Variants in PRKN observed in about 807,000 individuals in gnomAD.
PRKN encodes the protein E3 ubiquitin-protein ligase parkin.
A neutral mutation model predicts 59.5 loss-of-function variants in PRKN; 56 were observed. The observed-to-expected ratio is 0.94, with a 90% CI of 0.76 to 1.18. PRKN has a LOEUF of 1.18. Among genes scored for constraint, PRKN ranks in the 50% most tolerant of loss-of-function variants. The pLI is 0.00. For missense variants in PRKN, 657 were observed against 596.4 expected (o/e 1.10, Z -1.06); for synonymous variants, 250 against 222.1 (o/e 1.13, Z -1.12).
intron 1 of PRKN, among the ~76,000 whole-genome samples, chr6:162,539,442 G>T (rs764577529): frequency 3.3e-5 from 5 of 152,066 alleles, no homozygotes; most frequent in Non-Finnish European, 7.4e-5. Context: ...AAATGTCCTT[G>T]TCATTTTTTC....
intron 5 of PRKN, among the ~76,000 whole-genome samples, chr6:161,999,145 C>T (rs1310922411): frequency 6.6e-6 from 1 of 152,046 alleles, no homozygotes; most frequent in Non-Finnish European, 1.5e-5. Flanking sequence ...CTCCTATAAA[C>T]CCCTCTTCAC....
intron 7 of PRKN, among the ~76,000 whole-genome samples, chr6:161,709,237 T>G (rs1438216038): frequency 6.6e-6 from 1 of 152,240 alleles, no homozygotes; most frequent in Admixed American, 6.5e-5. Flanking sequence ...TATATGCTGC[T>G]TTCTGAGAAT....
At chr6:162,713,047 T>G (rs1335870567) in intron 1 of PRKN, among the ~76,000 whole-genome samples, 6 of 152,076 alleles carry the variant, frequency 3.9e-5, no homozygotes, top group African/African-American at 1.2e-4. Context: ...GGAAGGGTGA[T>G]TTGAGATGTG....
chr6:161,680,256 C>G (rs183719641), intron 7 of PRKN, among the ~76,000 whole-genome samples: 1 of 152,294 alleles, frequency 6.6e-6, no homozygotes, highest in Admixed American at 6.5e-5. Flanking sequence ...ATTAGGCTGA[C>G]TCGGTAACCT....
chr6:162,517,552 G>A (rs555201744), intron 1 of PRKN, among the ~76,000 whole-genome samples: 9 of 151,868 alleles, frequency 5.9e-5, no homozygotes, highest in Non-Finnish European at 1.0e-4. Flanking sequence ...GACTGCGCCC[G>A]GCCAATATAT....
chr6:162,066,094 G>A (rs1428734941), intron 4 of PRKN, among the ~76,000 whole-genome samples: 2 of 152,168 alleles, frequency 1.3e-5, no homozygotes, highest in Admixed American at 6.5e-5. Context: ...CCAGTAATGG[G>A]ATTGCTGGGT....
chr6:161,900,527 C>T (rs1443744084), intron 6 of PRKN, among the ~76,000 whole-genome samples: 2 of 96,222 alleles, frequency 2.1e-5, no homozygotes, highest in Non-Finnish European at 4.0e-5. Context: ...TACAACATAT[C>T]TTTTATATAT....
At chr6:162,336,495 A>G (rs1431314603) in intron 2 of PRKN, among the ~76,000 whole-genome samples, 1 of 152,156 alleles carries the variant, frequency 6.6e-6, no homozygotes, top group African/African-American at 2.4e-5. Context: ...GATTCACACC[A>G]TAATGCTAAT....
chr6:161,476,814 A>G, intron 9 of PRKN, among the ~76,000 whole-genome samples: 1 of 152,216 alleles, frequency 6.6e-6, no homozygotes, highest in Non-Finnish European at 1.5e-5. Context: ...ACGAAATGAG[A>G]CTGTGCTTTG....
At chr6:162,289,549 T>C (rs1008618738) in intron 2 of PRKN, among the ~76,000 whole-genome samples, 1 of 151,872 alleles carries the variant, frequency 6.6e-6, no homozygotes, top group East Asian at 1.9e-4. Context: ...ATACAAAAAT[T>C]AGCCGGGCAT....
At chr6:162,257,791 TTG>T (rs1779706396) in intron 3 of PRKN, among the ~76,000 whole-genome samples, 2 of 152,046 alleles carry the variant, frequency 1.3e-5, no homozygotes, top group African/African-American at 2.4e-5. Context: ...ACCTTCCGGG[TTG>T]TGTTGCCTCC....
intron 9 of PRKN, among the ~76,000 whole-genome samples, chr6:161,418,404 G>C (rs1275729548): frequency 6.6e-6 from 1 of 152,202 alleles, no homozygotes; most frequent in East Asian, 1.9e-4. Flanking sequence ...TCCAGAAAGT[G>C]AATCTGTCTA....
chr6:162,468,094 T>C (rs775232538), intron 1 of PRKN, among the ~76,000 whole-genome samples: 10 of 152,198 alleles, frequency 6.6e-5, no homozygotes, highest in Non-Finnish European at 1.2e-4. Flanking sequence ...TACTCTTTGT[T>C]AAATGTAAGC....
chr6:162,468,243 C>G (rs902165411), intron 1 of PRKN, among the ~76,000 whole-genome samples: 13 of 152,198 alleles, frequency 8.5e-5, no homozygotes, highest in Non-Finnish European at 1.5e-4. Context: ...CCTCGTCTCA[C>G]TAATTAGAAT....
intron 2 of PRKN, among the ~76,000 whole-genome samples, chr6:162,303,192 C>T (rs946398855): frequency 2.6e-5 from 4 of 152,150 alleles, no homozygotes; most frequent in African/African-American, 9.7e-5. Context: ...GCAGCATTTA[C>T]ATCAACTAAT....
intron 7 of PRKN, among the ~76,000 whole-genome samples, chr6:161,622,647 C>A (rs529594298): frequency 6.6e-6 from 1 of 152,262 alleles, no homozygotes; most frequent in South Asian, 2.1e-4. Flanking sequence ...CTTATCTGAC[C>A]AGAGCTGCCA....
At chr6:161,648,584 G>A (rs1784042255) in intron 7 of PRKN, among the ~76,000 whole-genome samples, 1 of 152,184 alleles carries the variant, frequency 6.6e-6, no homozygotes, top group South Asian at 2.1e-4. Flanking sequence ...ATTAAGAGTA[G>A]CCATAGTAAA....
intron 1 of PRKN, among the ~76,000 whole-genome samples, chr6:162,491,493 A>G (rs1298921541): frequency 1.3e-5 from 2 of 152,168 alleles, no homozygotes; most frequent in Non-Finnish European, 2.9e-5. Flanking sequence ...TGCTCCAGCC[A>G]CTGCCTGCAG....
Position 161,447,164 on chromosome 6 carries a change from A to G in PRKN, c.1084-60287T>C, listed in dbSNP as rs2115108791. On this transcript the variant is annotated intron_variant, in intron 9 of 11. Coordinates refer to ENST00000366898, the MANE Select transcript of PRKN (RefSeq NM_004562.3). This position sits in a 1 kb window ranked among gnomAD's most constrained non-coding sequence, Gnocchi z 4.1. ...ATCTTTCCTGCTACTAGGACAGTTA[A>G]GTCCCCCTGTGAAGTTAACCGAAAG... 6.6e-6 allele frequency among the ~76,000 whole-genome samples: 1 copy of G among 152,300 alleles called. No individual in the cohort carries two copies. Among genetic ancestry groups the G allele is most frequent in the South Asian group, 2.1e-4 (1 of 4,818 alleles).
Sources: gnomAD v4.1 joint callset for allele counts (sites outside exome capture counted in the v4.1 genomes callset) on GRCh38, gnomAD v4.1.1 for gene constraint, Gnocchi (gnomAD v3.1) non-coding constraint, MANE v1.5 for transcripts, NCBI Gene and HGNC (gene_info 2026-07-23, HGNC 2026-07-21) for gene names.